The following PCDH9 variants were observed in gnomAD, a reference collection of about 807,000 sequenced individuals.
The protein encoded by PCDH9 is protocadherin-9.
PCDH9 carries 24 observed loss-of-function variants against 70.6 expected under a neutral mutation model. The ratio of observed to expected loss-of-function variants is 0.34; its 90% CI spans 0.25 to 0.48. The LOEUF is 0.48. Ranked by LOEUF, PCDH9 falls within the 20% of genes least tolerant of loss-of-function variation. The pLI is 0.99. For synonymous variants in PCDH9, 562 were observed against 558.5 expected, an observed-to-expected ratio of 1.01 and a Z score of -0.09; for missense variants, 1,281 against 1,503.6, an observed-to-expected ratio of 0.85 and a Z score of 2.45.
intron 2 of PCDH9, among the ~76,000 whole-genome samples, chr13:67,197,917 A>G (rs1327155650): frequency 6.6e-6 from 1 of 151,796 alleles, no homozygotes; most frequent in Non-Finnish European, 1.5e-5. Context: ...AATTCTATAT[A>G]AGACATGAAC....
At chr13:67,110,986 T>A (rs2086648559) in intron 2 of PCDH9, among the ~76,000 whole-genome samples, 1 of 152,220 alleles carries the variant, frequency 6.6e-6, no homozygotes, top group Non-Finnish European at 1.5e-5. Context: ...TCTATATTCC[T>A]AGCATTTAGA....
intron 4 of PCDH9, among the ~76,000 whole-genome samples, chr13:66,388,829 A>G (rs912651951): frequency 3.9e-5 from 6 of 152,176 alleles, no homozygotes; most frequent in South Asian, 2.1e-4. Context: ...TCTCACAAAT[A>G]TGTAAAAATG....
At chr13:66,403,374 T>G (rs917127474) in intron 4 of PCDH9, among the ~76,000 whole-genome samples, 41 of 152,176 alleles carry the variant, frequency 2.7e-4, no homozygotes, top group Admixed American at 2.3e-3. Flanking sequence ...CTGGAACTCA[T>G]GGGCTCAAGC....
At chr13:66,422,983 C>G (rs990198614) in intron 4 of PCDH9, among the ~76,000 whole-genome samples, 1 of 152,124 alleles carries the variant, frequency 6.6e-6, no homozygotes. Context: ...GAGATCACCA[C>G]TGATCCCTAG....
chr13:66,703,056 T>C (rs892199489), intron 3 of PCDH9, among the ~76,000 whole-genome samples: 2 of 152,170 alleles, frequency 1.3e-5, no homozygotes, highest in Non-Finnish European at 2.9e-5. Context: ...CAGGAGAAAT[T>C]TGTAATAAAC....
chr13:66,703,794 G>A (rs2078677926), intron 3 of PCDH9, among the ~76,000 whole-genome samples: 1 of 152,016 alleles, frequency 6.6e-6, no homozygotes, highest in Admixed American at 6.6e-5. Flanking sequence ...CTACTCAGGA[G>A]GCTGAAGTGG....
intron 3 of PCDH9, among the ~76,000 whole-genome samples, chr13:66,675,201 G>A (rs924461571): frequency 3.9e-5 from 6 of 152,004 alleles, no homozygotes; most frequent in African/African-American, 1.4e-4. Flanking sequence ...AATTCTCTAA[G>A]CTAAAGAACA....
chr13:66,403,827 C>A (rs545706602), intron 4 of PCDH9, among the ~76,000 whole-genome samples: 2 of 152,106 alleles, frequency 1.3e-5, no homozygotes, highest in African/African-American at 4.8e-5. Context: ...TAATTCTGAA[C>A]TTACAGACCC....
intron 2 of PCDH9, among the ~76,000 whole-genome samples, chr13:67,031,648 A>C (rs1256475850): frequency 6.6e-6 from 1 of 152,212 alleles, no homozygotes; most frequent in Non-Finnish European, 1.5e-5. Flanking sequence ...GTGCCACTGC[A>C]CTCCAGGCCT....
rs562736672 is a variant in PCDH9, at chr13:66,725,213, C to G, written c.3139-93802G>C. ...AATTCAACAGCAAATTCTGTTGGCTCAACTTTCAAAAGATATCAAGAATTT... is the reference window on the plus strand; with the variant it reads ...AATTCAACAGCAAATTCTGTTGGCTGAACTTTCAAAAGATATCAAGAATTT... On this transcript the variant is annotated intron_variant, in intron 3 of 4. Coordinates refer to ENST00000377865, the MANE Select transcript of PCDH9 (RefSeq NM_203487.3). Among the ~76,000 whole-genome samples the G allele has an allele frequency of 3.3e-5, 5 of 152,278 alleles. No homozygotes were observed. In the East Asian group the frequency reaches 9.7e-4, roughly 29 times the overall value.
In PCDH9 at chr13:66,364,794, T is replaced by C. The variant is rs1302041997; in HGVS notation, c.3341-59766A>G. On this transcript the variant is annotated intron_variant, in intron 4 of 4. Transcript: ENST00000377865. ...TCCTTCATAGGTGTGAGGTGCAGAC[T>C]GATTTTCTTGCATTTTCTGCAGAGT... 4.6e-5 allele frequency among the ~76,000 whole-genome samples: 7 copies of C among 152,214 alleles called. No homozygotes were observed. The East Asian group carries it at 1.3e-3, about 29-fold the overall frequency.
rs190720986 is a variant in PCDH9, at chr13:66,910,523, C to T, written c.3037-6918G>A. 2.2e-3 allele frequency among the ~76,000 whole-genome samples: 66 copies of T among 30,210 alleles called. 1 individual carries two copies. The highest frequency in any genetic ancestry group is 4.2e-3 in the Admixed American group (9 of 2,122). The allele number at this position is 30,210 out of a possible 152,430, so 19.8% of individuals were successfully genotyped here. On this transcript the variant is annotated intron_variant, in intron 2 of 4. Transcript: ENST00000377865. ...AGTTAAGATATAAGAATGCTTTATG[C>T]GTAAAAAAATCTTACAAATTTAAGT...
chr13:67,115,431 A>G (rs1485982125), intron 2 of PCDH9, among the ~76,000 whole-genome samples: 1 of 152,170 alleles, frequency 6.6e-6, no homozygotes, highest in Non-Finnish European at 1.5e-5. Context: ...GAGCAGAAGG[A>G]TGAAGGAGCT....
At chr13:66,589,932 T>G (rs1340911505) in intron 4 of PCDH9, among the ~76,000 whole-genome samples, 2 of 152,108 alleles carry the variant, frequency 1.3e-5, no homozygotes, top group African/African-American at 4.8e-5. Flanking sequence ...ATATTAGTAT[T>G]CAAATTATTC....
intron 2 of PCDH9, among the ~76,000 whole-genome samples, chr13:67,000,965 T>A: frequency 6.6e-6 from 1 of 152,218 alleles, no homozygotes; most frequent in Admixed American, 6.5e-5. Flanking sequence ...AAATACGTAC[T>A]ATGGGCCTGT....
At chr13:66,840,817 A>G (rs746068021) in intron 3 of PCDH9, among the ~76,000 whole-genome samples, 19 of 152,238 alleles carry the variant, frequency 1.2e-4, no homozygotes, top group African/African-American at 4.3e-4. Flanking sequence ...CAATTACAAC[A>G]GGAGAGCAAA....
intron 3 of PCDH9, among the ~76,000 whole-genome samples, chr13:66,745,840 C>T (rs918676198): frequency 3.3e-5 from 5 of 152,122 alleles, no homozygotes; most frequent in South Asian, 2.1e-4. Context: ...GTTTAGCTGT[C>T]GGATTAATTA....
chr13:66,424,156 A>T (rs1307657282), intron 4 of PCDH9, among the ~76,000 whole-genome samples: 1 of 152,132 alleles, frequency 6.6e-6, no homozygotes, highest in Non-Finnish European at 1.5e-5. Context: ...ACTACAAACC[A>T]CTGCTCAAGG....
At chr13:67,076,845 T>G (rs1158364956) in intron 2 of PCDH9, among the ~76,000 whole-genome samples, 1 of 152,182 alleles carries the variant, frequency 6.6e-6, no homozygotes, top group African/African-American at 2.4e-5. Context: ...CTATTTGAAG[T>G]AACATAACAC....
Sources: gnomAD v4.1 joint callset for allele counts (sites outside exome capture counted in the v4.1 genomes callset) on GRCh38, gnomAD v4.1.1 for gene constraint, MANE v1.5 for transcripts, NCBI Gene and HGNC (gene_info 2026-07-23, HGNC 2026-07-21) for gene names.